The following IRF2 variants were observed in gnomAD, a reference collection of about 807,000 sequenced individuals.
IRF2 encodes the protein interferon regulatory factor 2.
A neutral mutation model predicts 40.6 loss-of-function variants in IRF2; 15 were observed. That is an observed-to-expected ratio of 0.37 (90% confidence interval 0.25 to 0.57). IRF2 has a LOEUF of 0.57. IRF2 is among the 20% of genes least tolerant of loss of function. IRF2 has a pLI of 0.77. For synonymous variants in IRF2, 151 were observed against 165.5 expected, an observed-to-expected ratio of 0.91 and a Z score of 0.67; for missense variants, 317 against 455.7, an observed-to-expected ratio of 0.70 and a Z score of 2.77.
rs1194982958 is a variant in IRF2, at chr4:184,408,632, G to C, written c.412-357C>G. On this transcript the variant is annotated intron_variant, in intron 5 of 8. Transcript: ENST00000393593. The surrounding 1 kb of genome is among the most constrained non-coding windows in gnomAD (Gnocchi z 4.9). Reference sequence around the variant, plus strand: ...GGATTCTACACTCTCCTCCTCTGAGGGGGTGCTCAAAAGAATCAATGCCTG... The same window carrying C: ...GGATTCTACACTCTCCTCCTCTGAGCGGGTGCTCAAAAGAATCAATGCCTG... Among the ~76,000 whole-genome samples the C allele has an allele frequency of 6.6e-6, 1 of 152,184 alleles. No individual in the cohort carries two copies. Among genetic ancestry groups the C allele is most frequent in the African/African-American group, 2.4e-5 (1 of 41,450 alleles).
At chr4:184,441,614 T>C (rs1160201554) in intron 1 of IRF2, among the ~76,000 whole-genome samples, 1 of 152,180 alleles carries the variant, frequency 6.6e-6, no homozygotes, top group African/African-American at 2.4e-5. Flanking sequence ...GATCTAGACC[T>C]GCAAACCCTT....
At chr4:184,453,898 TG>T (rs1234536772) in intron 1 of IRF2, among the ~76,000 whole-genome samples, 1 of 152,152 alleles carries the variant, frequency 6.6e-6, no homozygotes, top group African/African-American at 2.4e-5. Context: ...AGAGAGGAGA[TG>T]TCAATGTGGT....
intron 6 of IRF2, among the ~76,000 whole-genome samples, chr4:184,400,735 C>T (rs1400540880): frequency 6.6e-6 from 1 of 152,184 alleles, no homozygotes; most frequent in African/African-American, 2.4e-5. Flanking sequence ...CGTGTCATCA[C>T]TGTTTATTTA....
At chr4:184,390,382 C>T (rs917882619) in intron 8 of IRF2, among the ~76,000 whole-genome samples, 1 of 152,166 alleles carries the variant, frequency 6.6e-6, no homozygotes, top group Non-Finnish European at 1.5e-5. Context: ...CTATTTTTGC[C>T]GGTGAAGTAG....
At chr4:184,433,672 GGTTT>G (rs980365563) in intron 1 of IRF2, among the ~76,000 whole-genome samples, 2 of 139,908 alleles carry the variant, frequency 1.4e-5, no homozygotes, top group Non-Finnish European at 3.2e-5. Context: ...TTGGTTGGTT[GGTTT>G]GTTTGTAGCT....
At chr4:184,432,934 G>A (rs1312644118) in intron 1 of IRF2, among the ~76,000 whole-genome samples, 1 of 152,170 alleles carries the variant, frequency 6.6e-6, no homozygotes, top group Non-Finnish European at 1.5e-5. Context: ...ATACATTTCT[G>A]TTGTGTGAGA....
At chr4:184,433,454 TC>T (rs1737964165) in intron 1 of IRF2, among the ~76,000 whole-genome samples, 1 of 152,190 alleles carries the variant, frequency 6.6e-6, no homozygotes, top group African/African-American at 2.4e-5. Flanking sequence ...CTGGGTGCAT[TC>T]CTCACTTACG....
At chr4:184,460,781 T>C (rs1739117561) in intron 1 of IRF2, among the ~76,000 whole-genome samples, 2 of 152,018 alleles carry the variant, frequency 1.3e-5, no homozygotes, top group Non-Finnish European at 2.9e-5. Flanking sequence ...TTCAAGGCAA[T>C]GTCTTCTCAA....
intron 1 of IRF2, 102 bp from the exon 2 acceptor site, chr4:184,429,172 C>G: frequency 2.6e-4 from 163 of 621,980 alleles, no homozygotes; most frequent in Middle Eastern, 9.3e-4. Context: ...CTCTCCTTTC[C>G]TGGGGCTGGG....
chr4:184,453,032 A>C (rs993466792), intron 1 of IRF2, among the ~76,000 whole-genome samples: 2 of 152,158 alleles, frequency 1.3e-5, no homozygotes, highest in African/African-American at 4.8e-5. Context: ...ATGCTGTCTT[A>C]AAATTAAAAA....
Position 184,399,409 on chromosome 4 carries a change from C to CA in IRF2, c.530-331dup, listed in dbSNP as rs1736588477. Reference sequence around the variant, plus strand: ...CAGGACCAGAGGCGGCATCCAGCCCCAGCCCCAGGGCCAGACATGACAGTA... The same window carrying CA: ...CAGGACCAGAGGCGGCATCCAGCCCCAAGCCCCAGGGCCAGACATGACAGTA... On this transcript the variant is annotated intron_variant, in intron 6 of 8. Transcript: ENST00000393593. 2.0e-5 allele frequency among the ~76,000 whole-genome samples: 3 copies of CA among 152,264 alleles called. No individual in the cohort carries two copies. The South Asian group carries it at 6.2e-4, about 31-fold the overall frequency.
intron 1 of IRF2, among the ~76,000 whole-genome samples, chr4:184,441,569 C>A (rs980751459): frequency 2.0e-5 from 3 of 152,184 alleles, no homozygotes; most frequent in African/African-American, 7.2e-5. Flanking sequence ...TGTTGGTAAG[C>A]AAGGGAGCTT....
intron 1 of IRF2, among the ~76,000 whole-genome samples, chr4:184,447,505 G>C (rs374949478): frequency 6.6e-6 from 1 of 152,182 alleles, no homozygotes; most frequent in Non-Finnish European, 1.5e-5. Context: ...TGAGTAAAAG[G>C]CTGGTGAAAA....
intron 1 of IRF2, among the ~76,000 whole-genome samples, chr4:184,449,847 G>GT (rs1223840319): frequency 6.6e-6 from 1 of 152,200 alleles, no homozygotes; most frequent in African/African-American, 2.4e-5. Flanking sequence ...ATGGTATGTG[G>GT]TTAGTATGGT....
intron 1 of IRF2, among the ~76,000 whole-genome samples, chr4:184,463,611 G>A (rs981527819): frequency 5.3e-5 from 8 of 151,800 alleles, no homozygotes; most frequent in Non-Finnish European, 2.9e-5. Context: ...AACTATACAT[G>A]TGGCTCACAT....
In IRF2 at chr4:184,419,578, A is replaced by AG; in HGVS notation, c.88-11_88-10insC. The AG allele has an allele frequency of 6.4e-7, 1 of 1,559,592 alleles. No individual in the cohort carries two copies. Among genetic ancestry groups the AG allele is most frequent in the Non-Finnish European group, 8.7e-7 (1 of 1,144,678 alleles). Reference sequence around the variant, plus strand: ...GAAAAATCTTCTTTTCCTGAAAAAAAAAAAAAAAAAAAAGGTAAAGAACTG... The same window carrying AG: ...GAAAAATCTTCTTTTCCTGAAAAAAAGAAAAAAAAAAAAAGGTAAAGAACTG... On this transcript the variant is annotated splice_polypyrimidine_tract_variant and intron_variant, in intron 2 of 8. Transcript: ENST00000393593.
At chr4:184,459,660 C>T (rs1381441624) in intron 1 of IRF2, among the ~76,000 whole-genome samples, 1 of 152,198 alleles carries the variant, frequency 6.6e-6, no homozygotes, top group East Asian at 1.9e-4. Context: ...CTCAAACCTA[C>T]AGCTCAACAA....
intron 1 of IRF2, among the ~76,000 whole-genome samples, chr4:184,457,707 C>A (rs532711646): frequency 6.6e-6 from 1 of 152,100 alleles, no homozygotes; most frequent in South Asian, 2.1e-4. Flanking sequence ...CGCAATGGAC[C>A]GCAGACTACA....
chr4:184,425,558 G>C (rs914787441), intron 2 of IRF2, among the ~76,000 whole-genome samples: 1 of 152,254 alleles, frequency 6.6e-6, no homozygotes, highest in Non-Finnish European at 1.5e-5. Context: ...CGGCAGCCAC[G>C]GGCACGCTCT....
Sources: gnomAD v4.1 joint callset for allele counts (sites outside exome capture counted in the v4.1 genomes callset) on GRCh38, gnomAD v4.1.1 for gene constraint, Gnocchi (gnomAD v3.1) non-coding constraint, MANE v1.5 for transcripts, NCBI Gene and HGNC (gene_info 2026-07-23, HGNC 2026-07-21) for gene names.